Variants in RPAIN observed in about 807,000 individuals in gnomAD.
The protein encoded by RPAIN is RPA-interacting protein.
In RPAIN, 29 loss-of-function variants were observed where a neutral mutation model predicts 30.5. The ratio of observed to expected loss-of-function variants is 0.95; its 90% CI spans 0.71 to 1.30. The LOEUF is 1.30. RPAIN is among the 50% of genes most tolerant of loss of function. The probability of loss-of-function intolerance (pLI) is 0.00; values close to 1 mark genes in which losing one functional copy is unlikely to be tolerated. For missense variants in RPAIN, 247 were observed against 264.7 expected (o/e 0.93, Z 0.46); for synonymous variants, 101 against 93.5 (o/e 1.08, Z -0.46).
chr17:5,420,359 G>A, intron 1 of RPAIN, 68 bp downstream of exon 1: 4 of 1,390,820 alleles, frequency 2.9e-6, no homozygotes, highest in Non-Finnish European at 3.0e-6. Context: ...CCCTGCCTTC[G>A]CCTTAGCCCT....
intron 3 of RPAIN, chr17:5,423,074 T>C (rs1388882591): frequency 2.5e-6 from 1 of 396,072 alleles, no homozygotes; most frequent in Non-Finnish European, 4.4e-6. Flanking sequence ...GTGACTGCCC[T>C]GTAAGATAGT....
At chr17:5,425,743 G>T (rs2151665023) in intron 3 of RPAIN, among the ~76,000 whole-genome samples, 1 of 152,260 alleles carries the variant, frequency 6.6e-6, no homozygotes, top group East Asian at 1.9e-4. Flanking sequence ...TGTCTCCTCG[G>T]CCCTTAGCCT....
At chr17:5,428,645 T>A in intron 6 of RPAIN, 1 of 823,874 alleles carries the variant, frequency 1.2e-6, no homozygotes, top group Non-Finnish European at 1.6e-6. Context: ...TTCGCTAACC[T>A]GAGTGACAAC....
intron 1 of RPAIN, among the ~76,000 whole-genome samples, 199 bp from the exon 2 acceptor site, chr17:5,421,097 T>A (rs1914751666): frequency 6.6e-6 from 1 of 152,204 alleles, no homozygotes; most frequent in African/African-American, 2.4e-5. Flanking sequence ...AAAAATATGG[T>A]TCTTTGTAAA....
intron 6 of RPAIN, chr17:5,429,862 C>A: frequency 1.2e-6 from 1 of 828,820 alleles, no homozygotes; most frequent in Non-Finnish European, 1.5e-6. Flanking sequence ...CAGCCTGATT[C>A]CTCACAAGGA....
chr17:5,420,412 C>G (rs556388370), intron 1 of RPAIN, 121 bp downstream of exon 1: 26 of 767,822 alleles, frequency 3.4e-5, no homozygotes, highest in Non-Finnish European at 5.2e-5. Flanking sequence ...TCTGGTCAAA[C>G]CCAGGCCTGC....
Position 5,421,420 on chromosome 17 carries a change from GGA to G in RPAIN, c.207_208del (p.Trp69Ter), listed in dbSNP as rs753250484. On this transcript the variant is annotated stop_gained and frameshift_variant, in exon 2 of 7. Transcript: ENST00000381209. LOFTEE classifies it high-confidence loss of function. The stretch of plus-strand genomic sequence containing the variant: ...GTTCAAGAGGTGATGGAAGAAGAGT[GGA>G]ATGCTTTGCAGTCAGTGGAGAATTG... 4.3e-6 allele frequency: 7 copies of G among 1,613,920 alleles called. No homozygotes were observed. The highest frequency in any genetic ancestry group is 1.3e-5 in the African/African-American group (1 of 74,872).
chr17:5,431,546 A>C (rs1915947226), intron 6 of RPAIN: 1 of 442,706 alleles, frequency 2.3e-6, no homozygotes, highest in Non-Finnish European at 4.5e-6. Context: ...CTTGAGTTCA[A>C]CATTTGGAAA....
At chr17:5,426,447 C>T in intron 5 of RPAIN, 148 bp downstream of exon 5, 1 of 738,142 alleles carries the variant, frequency 1.4e-6, no homozygotes, top group African/African-American at 1.7e-5. Flanking sequence ...TTCAAATCAG[C>T]CATGGTGAGA....
intron 6 of RPAIN, chr17:5,429,864 TCACA>T: frequency 4.9e-6 from 4 of 822,140 alleles, no homozygotes; most frequent in Non-Finnish European, 5.9e-6. Context: ...GCCTGATTCC[TCACA>T]AGGAATTGGC....
At chr17:5,431,566 T>C (rs553122402) in intron 6 of RPAIN, 16 of 455,748 alleles carry the variant, frequency 3.5e-5, no homozygotes, top group South Asian at 2.3e-4. Flanking sequence ...AGGTAGACAT[T>C]TGGAATGCTC....
intron 6 of RPAIN, chr17:5,428,793 CACAA>C: frequency 1.0e-6 from 1 of 989,844 alleles, no homozygotes; most frequent in East Asian, 1.1e-4. Flanking sequence ...ATATATATCA[CACAA>C]ACACACATAA....
In RPAIN at chr17:5,426,079, C is replaced by T. The variant is rs532203608; in HGVS notation, c.422C>T (p.Thr141Ile). 6.2e-7 allele frequency: 1 copy of T among 1,608,316 alleles called. No individual in the cohort carries two copies. The highest frequency in any genetic ancestry group is 1.1e-5 in the South Asian group (1 of 90,836). ...AACCCACTCATCTGTCCTGTATGTA[C>T]AAAGTAAGAGTTTTTAAAACCTTTT... ...EANPLICPVC[T>I]KYNLRITSGV... is the part of the protein sequence containing the mutation. The change falls in exon 4 of 7, where the codon ACA becomes ATA. Residue 141 changes from threonine (T) to isoleucine (I), a missense_variant. Coordinates refer to ENST00000381209, the MANE Select transcript of RPAIN (RefSeq NM_001033002.4).
At chr17:5,424,607 C>G (rs8076900) in intron 3 of RPAIN, among the ~76,000 whole-genome samples, 41,272 of 152,140 alleles carry the variant, frequency 0.27, 6,866 homozygotes, top group East Asian at 0.81. Context: ...ATACCTCTAA[C>G]ATTCACTTGG....
intron 1 of RPAIN, among the ~76,000 whole-genome samples, chr17:5,420,819 T>C (rs1304743522): frequency 6.6e-6 from 1 of 152,208 alleles, no homozygotes; most frequent in East Asian, 1.9e-4. Context: ...TGGAGGGTTG[T>C]TTAAGCCACG....
In RPAIN at chr17:5,426,072, G is replaced by T. The variant is rs116885661; in HGVS notation, c.415G>T (p.Val139Leu). The T allele has an allele frequency of 4.9e-4, 796 of 1,611,508 alleles. 5 individuals are homozygous for T. The East Asian group carries it at 0.012, about 25-fold the overall frequency. ...GGAGGCAAACCCACTCATCTGTCCT[G>T]TATGTACAAAGTAAGAGTTTTTAAA... Reference protein sequence around the residue: ...EWEANPLICPVCTKYNLRITS... With the variant: ...EWEANPLICPLCTKYNLRITS... The change falls in exon 4 of 7, where the codon GTA becomes TTA. Residue 139 changes from valine to leucine, a missense_variant. Transcript: ENST00000381209.
chr17:5,429,822 C>G (rs1915732245), intron 6 of RPAIN: 1 of 932,502 alleles, frequency 1.1e-6, no homozygotes, highest in Non-Finnish European at 1.3e-6. Flanking sequence ...AAATATTTAC[C>G]AAGCACTACA....
intron 6 of RPAIN, chr17:5,432,056 C>CG: frequency 4.7e-6 from 1 of 214,562 alleles, no homozygotes; most frequent in East Asian, 1.3e-4. Context: ...ACCCAGGAGT[C>CG]GGGAGGCAGT....
intron 1 of RPAIN, 38 bp from the exon 2 acceptor site, chr17:5,421,258 C>CT (rs376071392): frequency 7.0e-4 from 1,050 of 1,496,332 alleles, no homozygotes; most frequent in South Asian, 1.7e-3. Flanking sequence ...AATAGAAATG[C>CT]TTTTTTTTTC....
Sources: gnomAD v4.1 joint callset for allele counts (sites outside exome capture counted in the v4.1 genomes callset) on GRCh38, gnomAD v4.1.1 for gene constraint, MANE v1.5 for transcripts, NCBI Gene and HGNC (gene_info 2026-07-23, HGNC 2026-07-21) for gene names.